Variants in ATP8A2 observed in about 807,000 individuals in gnomAD.
ATP8A2 encodes the protein ATPase phospholipid transporting 8A2, also known as phospholipid-transporting ATPase IB.
Under a neutral mutation model 165.6 loss-of-function variants are expected in ATP8A2, and 100 were observed. The ratio of observed to expected loss-of-function variants is 0.60; its 90% CI spans 0.51 to 0.71. The LOEUF is 0.71. Among genes scored for constraint, ATP8A2 ranks in the 30% least tolerant of loss-of-function variants. The probability of loss-of-function intolerance (pLI) is 0.00; values close to 1 mark genes in which losing one functional copy is unlikely to be tolerated. For synonymous variants in ATP8A2, 543 were observed against 548.8 expected, an observed-to-expected ratio of 0.99 and a Z score of 0.15; for missense variants, 1,227 against 1,479.5, an observed-to-expected ratio of 0.83 and a Z score of 2.80.
intron 24 of ATP8A2, among the ~76,000 whole-genome samples, chr13:25,650,588 A>G (rs915421746): frequency 1.3e-5 from 2 of 152,206 alleles, no homozygotes; most frequent in Non-Finnish European, 2.9e-5. Flanking sequence ...AAACAGAAGT[A>G]GCGTTAAGGG....
At chr13:25,620,808 C>T (rs1275515838) in intron 24 of ATP8A2, among the ~76,000 whole-genome samples, 1 of 152,106 alleles carries the variant, frequency 6.6e-6, no homozygotes, top group African/African-American at 2.4e-5. Context: ...CACAATGTAG[C>T]TTGCTGCTTG....
intron 27 of ATP8A2, among the ~76,000 whole-genome samples, chr13:25,778,708 C>T (rs2044798351): frequency 6.6e-6 from 1 of 152,090 alleles, no homozygotes; most frequent in Admixed American, 6.5e-5. Flanking sequence ...CCTTCCCAGG[C>T]TCCCTGTGCC....
At chr13:25,377,551 G>A (rs1222944743) in intron 1 of ATP8A2, among the ~76,000 whole-genome samples, 3 of 152,198 alleles carry the variant, frequency 2.0e-5, no homozygotes, top group African/African-American at 7.2e-5. Context: ...TGCAATCCCA[G>A]TACTTTGGGA....
chr13:25,864,043 C>T (rs1172779627), intron 33 of ATP8A2, among the ~76,000 whole-genome samples: 1 of 152,138 alleles, frequency 6.6e-6, no homozygotes. Flanking sequence ...AAAAGCAAAC[C>T]AAGAAAAGTA....
intron 33 of ATP8A2, among the ~76,000 whole-genome samples, chr13:25,868,975 A>T (rs1249725353): frequency 6.8e-6 from 1 of 146,434 alleles, no homozygotes; most frequent in Non-Finnish European, 1.5e-5. Context: ...AGGCTGAGGC[A>T]GGTGAATGGC....
At chr13:25,967,378 A>G (rs1442195766) in intron 34 of ATP8A2, among the ~76,000 whole-genome samples, 1 of 152,172 alleles carries the variant, frequency 6.6e-6, no homozygotes, top group Non-Finnish European at 1.5e-5. Context: ...CTAATACTCC[A>G]TTATAGATTA....
At chr13:25,665,620 A>G (rs935925888) in intron 24 of ATP8A2, among the ~76,000 whole-genome samples, 1 of 131,526 alleles carries the variant, frequency 7.6e-6, no homozygotes, top group Non-Finnish European at 1.5e-5. Flanking sequence ...CCTCATCCAA[A>G]TAAGTCTGTA....
At chr13:25,665,490 C>T (rs2042134098) in intron 24 of ATP8A2, among the ~76,000 whole-genome samples, 1 of 151,022 alleles carries the variant, frequency 6.6e-6, no homozygotes, top group South Asian at 2.1e-4. Flanking sequence ...TCCTCAGGTG[C>T]AGAGATGGTA....
chr13:25,866,310 A>AAC, intron 33 of ATP8A2, among the ~76,000 whole-genome samples: 1 of 152,300 alleles, frequency 6.6e-6, no homozygotes, highest in South Asian at 2.1e-4. Flanking sequence ...GAATAATGCC[A>AAC]CCCAACCTAA....
intron 27 of ATP8A2, among the ~76,000 whole-genome samples, chr13:25,818,215 C>T (rs1951077521): frequency 6.6e-6 from 1 of 152,100 alleles, no homozygotes; most frequent in South Asian, 2.1e-4. Flanking sequence ...TTAAAGCTTG[C>T]TTTTCAAACA....
At chr13:25,545,651 T>C (rs1423414617) in intron 10 of ATP8A2, among the ~76,000 whole-genome samples, 1 of 152,246 alleles carries the variant, frequency 6.6e-6, no homozygotes, top group Non-Finnish European at 1.5e-5. Flanking sequence ...TGTTTGTTTT[T>C]TGAGACAGGG....
chr13:25,689,439 G>T (rs1250670433), intron 24 of ATP8A2, among the ~76,000 whole-genome samples: 1 of 152,116 alleles, frequency 6.6e-6, no homozygotes, highest in Non-Finnish European at 1.5e-5. Flanking sequence ...AACTTAAGTT[G>T]TCTAGAAAAT....
intron 1 of ATP8A2, among the ~76,000 whole-genome samples, chr13:25,442,814 G>A (rs1300195161): frequency 6.6e-6 from 1 of 152,104 alleles, no homozygotes; most frequent in African/African-American, 2.4e-5. Flanking sequence ...AAATGTCTAT[G>A]CCAGTCCCTT....
chr13:25,615,256 T>G (rs1026539511), intron 24 of ATP8A2, among the ~76,000 whole-genome samples: 1 of 152,114 alleles, frequency 6.6e-6, no homozygotes, highest in Admixed American at 6.5e-5. Context: ...CCAGTGGAGT[T>G]ATCTTCCCAG....
chr13:25,482,152 C>G (rs1051777434), intron 2 of ATP8A2, among the ~76,000 whole-genome samples: 16 of 152,124 alleles, frequency 1.1e-4, no homozygotes, highest in African/African-American at 2.4e-4. Context: ...AGCATCTTCC[C>G]AAACCCCACT....
intron 30 of ATP8A2, among the ~76,000 whole-genome samples, chr13:25,846,252 G>A (rs942525921): frequency 4.6e-5 from 7 of 152,190 alleles, no homozygotes; most frequent in African/African-American, 1.7e-4. Flanking sequence ...ACACAGTAGT[G>A]CGTTAATAGA....
intron 16 of ATP8A2, among the ~76,000 whole-genome samples, chr13:25,565,127 A>G (rs2039273175): frequency 6.6e-6 from 1 of 152,188 alleles, no homozygotes; most frequent in Non-Finnish European, 1.5e-5. Context: ...TATATATTAC[A>G]GTTTCTTTAT....
Position 25,803,826 on chromosome 13 carries a change from C to T in ATP8A2, c.2680-24292C>T, listed in dbSNP as rs181674855. The stretch of plus-strand genomic sequence containing the variant: ...AAGTGGTGCTTAGTACTATGGTTTT[C>T]GGAATCACAGTACTGAAGAGGCATC... On this transcript the variant is annotated intron_variant, in intron 27 of 36. Transcript: ENST00000381655. Among the ~76,000 whole-genome samples, 531 of 152,316 alleles carry T rather than the reference C, an allele frequency of 3.5e-3. 1 individual carries two copies. Among genetic ancestry groups the T allele is most frequent in the Non-Finnish European group, 4.5e-3 (304 of 68,020 alleles).
chr13:25,506,235 G>A (rs1023409724), intron 2 of ATP8A2, among the ~76,000 whole-genome samples: 1 of 152,232 alleles, frequency 6.6e-6, no homozygotes, highest in African/African-American at 2.4e-5. Flanking sequence ...TTTGAGGGGA[G>A]CTGACAGATT....
Sources: allele counts gnomAD v4.1 joint callset (sites outside exome capture counted in the v4.1 genomes callset), GRCh38; gene constraint gnomAD v4.1.1; transcripts MANE v1.5; gene names NCBI Gene and HGNC (gene_info 2026-07-23, HGNC 2026-07-21).